Variants in LDLRAD4 observed in about 807,000 individuals in gnomAD.
LDLRAD4 encodes low density lipoprotein receptor class A domain containing 4, also known as low-density lipoprotein receptor class A domain-containing protein 4.
Under a neutral mutation model 17.0 loss-of-function variants are expected in LDLRAD4, and 5 were observed. The ratio of observed to expected loss-of-function variants is 0.29; its 90% CI spans 0.15 to 0.62. LDLRAD4 has a LOEUF of 0.62. LDLRAD4 is among the 20% of genes least tolerant of loss of function. The pLI is 0.84. For missense variants in LDLRAD4, 340 were observed against 424.7 expected (o/e 0.80, Z 1.75); for synonymous variants, 168 against 171.8 (o/e 0.98, Z 0.17).
rs138542173 is a variant in LDLRAD4 at position 13,269,142 on chromosome 18, T to C, written c.-466-8963T>C. On this transcript the variant is annotated intron_variant, in intron 1 of 5. Coordinates refer to the LDLRAD4 transcript ENST00000399848. ...TGAGGAAAGGCTGCATGTCTTTGAATGCGAGAGGGCTGAACTAATGTAGGG... is the reference window on the plus strand; with the variant it reads ...TGAGGAAAGGCTGCATGTCTTTGAACGCGAGAGGGCTGAACTAATGTAGGG... Among the ~76,000 whole-genome samples the C allele has an allele frequency of 1.3e-3, 194 of 152,346 alleles. 2 individuals carry two copies. In the East Asian group the frequency reaches 0.028, roughly 22 times the overall value.
At chr18:13,345,877 T>G (rs2082654617) in intron 1 of LDLRAD4, among the ~76,000 whole-genome samples, 1 of 152,246 alleles carries the variant, frequency 6.6e-6, no homozygotes, top group Non-Finnish European at 1.5e-5. Context: ...GAGGTGTTTA[T>G]AGTATTCTCT....
intron 1 of LDLRAD4, among the ~76,000 whole-genome samples, chr18:13,252,020 T>G (rs537457807): frequency 6.6e-6 from 1 of 152,364 alleles, no homozygotes; most frequent in Non-Finnish European, 1.5e-5. Flanking sequence ...TCTGTAGATA[T>G]ATGATTGTTT....
chr18:13,582,497 G>A (rs2094876608), intron 3 of LDLRAD4, among the ~76,000 whole-genome samples: 1 of 152,216 alleles, frequency 6.6e-6, no homozygotes, highest in Admixed American at 6.5e-5. Context: ...GCCGAGGGCA[G>A]TGTTTGCAGC....
intron 3 of LDLRAD4, among the ~76,000 whole-genome samples, chr18:13,574,938 G>A (rs1294651052): frequency 6.6e-6 from 1 of 152,196 alleles, no homozygotes; most frequent in African/African-American, 2.4e-5. Flanking sequence ...AGCACAGGCT[G>A]TTTGGGAAGG....
chr18:13,238,834 A>G (rs780396946), intron 1 of LDLRAD4, among the ~76,000 whole-genome samples: 6 of 152,006 alleles, frequency 3.9e-5, no homozygotes, highest in Non-Finnish European at 8.8e-5. Context: ...TCCTGCTCCT[A>G]CTCAACAGCC....
chr18:13,262,687 G>T, intron 1 of LDLRAD4, among the ~76,000 whole-genome samples: 1 of 97,062 alleles, frequency 1.0e-5, no homozygotes, highest in Non-Finnish European at 1.9e-5. Context: ...TGGAAACTGA[G>T]TCCCGTGCGG....
At chr18:13,498,454 C>G (rs996218901) in intron 3 of LDLRAD4, among the ~76,000 whole-genome samples, 3 of 150,894 alleles carry the variant, frequency 2.0e-5, no homozygotes, top group Admixed American at 1.3e-4. Flanking sequence ...GCCGTGGACA[C>G]TGGAGAATCC....
intron 1 of LDLRAD4, among the ~76,000 whole-genome samples, chr18:13,260,851 A>T (rs1448946919): frequency 6.6e-6 from 1 of 152,214 alleles, no homozygotes; most frequent in Admixed American, 6.5e-5. Context: ...CATTTTGTGG[A>T]TGCCATGGCA....
intron 3 of LDLRAD4, among the ~76,000 whole-genome samples, chr18:13,535,297 G>A (rs1463675282): frequency 6.6e-6 from 1 of 152,118 alleles, no homozygotes; most frequent in Non-Finnish European, 1.5e-5. Flanking sequence ...CAATGAATGG[G>A]GGTTCTGATT....
intron 1 of LDLRAD4, among the ~76,000 whole-genome samples, chr18:13,378,500 A>G (rs934719901): frequency 6.6e-6 from 1 of 152,252 alleles, no homozygotes; most frequent in South Asian, 2.1e-4. Context: ...AGAACAGCAG[A>G]CAGGACCCTG....
chr18:13,235,850 C>T (rs1475602873), intron 1 of LDLRAD4, among the ~76,000 whole-genome samples: 1 of 152,150 alleles, frequency 6.6e-6, no homozygotes, highest in Non-Finnish European at 1.5e-5. Context: ...CTGTTTGAAC[C>T]TCCACCCGGA....
At chr18:13,428,444 G>A (rs1443689556) in intron 2 of LDLRAD4, among the ~76,000 whole-genome samples, 1 of 152,162 alleles carries the variant, frequency 6.6e-6, no homozygotes, top group Non-Finnish European at 1.5e-5. Context: ...GAGAGCTGGT[G>A]GGAGCCACAT....
intron 3 of LDLRAD4, among the ~76,000 whole-genome samples, chr18:13,530,593 C>G (rs760112104): frequency 3.9e-5 from 6 of 152,234 alleles, no homozygotes; most frequent in Non-Finnish European, 8.8e-5. Flanking sequence ...CAGAGAGAGG[C>G]GGCAGGGTGG....
At chr18:13,386,685 T>C (rs2085832649) in intron 1 of LDLRAD4, among the ~76,000 whole-genome samples, 1 of 152,184 alleles carries the variant, frequency 6.6e-6, no homozygotes. Context: ...TATGGAGCAG[T>C]TTATAGATTA....
intron 1 of LDLRAD4, among the ~76,000 whole-genome samples, chr18:13,295,952 C>G (rs1166461983): frequency 6.6e-6 from 1 of 152,244 alleles, no homozygotes; most frequent in East Asian, 1.9e-4. Flanking sequence ...ATCACTGGCT[C>G]CCCTCTCATA....
intron 2 of LDLRAD4, among the ~76,000 whole-genome samples, chr18:13,399,739 T>C (rs978745961): frequency 6.6e-6 from 1 of 152,238 alleles, no homozygotes; most frequent in Admixed American, 6.5e-5. Flanking sequence ...GAATTCCTGC[T>C]GTAAACTCAC....
In LDLRAD4 at chr18:13,368,221, A is replaced by G. The variant is rs557720128; in HGVS notation, c.-382-19120A>G. On this transcript the variant is annotated intron_variant, in intron 1 of 5. Transcript: ENST00000359446. ...TGGCGCACGGTTGGCGTGGAAGCCA[A>G]GTTTCTAGAGGGAGCCGACAAGAAG... 6.8e-4 allele frequency among the ~76,000 whole-genome samples: 103 copies of G among 152,202 alleles called. 2 individuals are homozygous for G. The Middle Eastern group carries it at 0.02, about 30-fold the overall frequency.
intron 3 of LDLRAD4, among the ~76,000 whole-genome samples, 200 bp downstream of exon 4, chr18:13,438,584 T>C (rs944824757): frequency 3.9e-5 from 6 of 152,268 alleles, no homozygotes; most frequent in Non-Finnish European, 8.8e-5. Flanking sequence ...TTCTCTAAAG[T>C]GGTCAGCGGA....
At chr18:13,419,010 T>C (rs1568124348) in intron 2 of LDLRAD4, among the ~76,000 whole-genome samples, 1 of 152,232 alleles carries the variant, frequency 6.6e-6, no homozygotes, top group Non-Finnish European at 1.5e-5. Context: ...TCACCAATGA[T>C]GAAAACTTGC....
Sources: gnomAD v4.1 joint callset for allele counts (sites outside exome capture counted in the v4.1 genomes callset) on GRCh38, gnomAD v4.1.1 for gene constraint, MANE v1.5 for transcripts, NCBI Gene and HGNC (gene_info 2026-07-23, HGNC 2026-07-21) for gene names.